The following HADHB variants were observed in gnomAD, a reference collection of about 807,000 sequenced individuals.
HADHB encodes the protein hydroxyacyl-CoA dehydrogenase trifunctional multienzyme complex subunit beta, also known as trifunctional enzyme subunit beta, mitochondrial.
Under a neutral mutation model 61.9 loss-of-function variants are expected in HADHB, and 50 were observed. The ratio of observed to expected loss-of-function variants is 0.81; its 90% confidence interval spans 0.64 to 1.02. HADHB has a LOEUF of 1.02. Ranked by LOEUF, HADHB falls within the 50% of genes least tolerant of loss-of-function variation. The pLI is 0.00. For missense variants in HADHB, 504 were observed against 586.5 expected, an observed-to-expected ratio of 0.86 and a Z score of 1.45; for synonymous variants, 191 against 201.6, an observed-to-expected ratio of 0.95 and a Z score of 0.45.
chr2:26,257,220 A>C (rs1014043216), intron 3 of HADHB, among the ~76,000 whole-genome samples: 4 of 149,924 alleles, frequency 2.7e-5, no homozygotes, highest in African/African-American at 9.9e-5. Flanking sequence ...TCCCAGGTTC[A>C]TGCCATTCTC....
intron 1 of HADHB, among the ~76,000 whole-genome samples, chr2:26,251,078 T>TA (rs1286607796): frequency 2.0e-5 from 3 of 149,044 alleles, no homozygotes; most frequent in African/African-American, 7.3e-5. Flanking sequence ...ACTAAATTCT[T>TA]ACATACATGG....
chr2:26,264,491 A>T (rs995049626), intron 4 of HADHB, among the ~76,000 whole-genome samples: 3 of 142,516 alleles, frequency 2.1e-5, no homozygotes, highest in Non-Finnish European at 4.5e-5. Context: ...TCAAGGCTGC[A>T]GTGAGCCGTG....
Position 26,290,413 on chromosome 2 carries a change from G to A in HADHB, c.*460G>A, listed in dbSNP as rs1464607905. 1 of 185,196 alleles carries A rather than the reference G, an allele frequency of 5.4e-6. No homozygotes were observed. The highest frequency in any genetic ancestry group is 1.1e-5 in the Non-Finnish European group (1 of 87,332). 11.5% of individuals were successfully genotyped at this position (185,196 alleles called of 1,614,324 possible). On this transcript the variant is annotated 3_prime_UTR_variant, in exon 16 of 16. Transcript: ENST00000317799. ...ACACCACTGAAAACTTATAAAAAAT[G>A]TTTAGATACATAAATATGGTGGTCA... is the stretch of plus-strand genomic sequence containing the variant.
chr2:26,277,623 G>C (rs925421649), intron 7 of HADHB, among the ~76,000 whole-genome samples: 13 of 152,104 alleles, frequency 8.5e-5, no homozygotes, highest in Admixed American at 1.3e-4. Flanking sequence ...AAAATTTGGG[G>C]GTTCTAACCG....
At position 26,290,127 on chromosome 2, in the gene HADHB, A is replaced by G. The variant is rs559313988; in HGVS notation, c.*174A>G. On this transcript the variant is annotated 3_prime_UTR_variant, in exon 16 of 16. Coordinates refer to ENST00000317799, the MANE Select transcript of HADHB (RefSeq NM_000183.3). The stretch of plus-strand genomic sequence containing the variant: ...CCTTGCCAGTGTTCTGAGCTTTTCA[A>G]TAATCAGTTTACTGCTCTTTCAGGG... 6.0e-6 allele frequency: 4 copies of G among 664,960 alleles called. No homozygotes were observed. Among genetic ancestry groups the G allele is most frequent in the East Asian group, 2.7e-5 (1 of 36,932 alleles). 41.2% of individuals were successfully genotyped at this position (664,960 alleles called of 1,614,324 possible).
chr2:26,251,620 G>GT (rs1326494552), intron 1 of HADHB, among the ~76,000 whole-genome samples: 1 of 152,144 alleles, frequency 6.6e-6, no homozygotes, highest in African/African-American at 2.4e-5. Context: ...TTGTGGCATT[G>GT]TAAGTAGCTT....
chr2:26,262,299 T>A (rs1422339260), intron 3 of HADHB, among the ~76,000 whole-genome samples: 1 of 152,138 alleles, frequency 6.6e-6, no homozygotes, highest in Non-Finnish European at 1.5e-5. Flanking sequence ...AAGAAAATAA[T>A]GAACTAGATT....
intron 4 of HADHB, among the ~76,000 whole-genome samples, chr2:26,269,607 A>G (rs1192250232): frequency 6.6e-6 from 1 of 152,204 alleles, no homozygotes; most frequent in Non-Finnish European, 1.5e-5. Context: ...ATAAATAAAT[A>G]ATATACTTTT....
chr2:26,261,115 A>T, intron 3 of HADHB: 1 of 890,624 alleles, frequency 1.1e-6, no homozygotes, highest in Non-Finnish European at 1.8e-6. Flanking sequence ...TGACTTAGGG[A>T]TGTGTCTATG....
At chr2:26,285,338 A>C in intron 14 of HADHB, 69 bp from the exon 15 acceptor site, 1 of 1,341,422 alleles carries the variant, frequency 7.5e-7, no homozygotes. Flanking sequence ...ACTTCGTAGT[A>C]CTAAGAGCCT....
intron 15 of HADHB, among the ~76,000 whole-genome samples, chr2:26,285,798 T>C (rs2147833587): frequency 7.4e-6 from 1 of 134,468 alleles, no homozygotes; most frequent in East Asian, 2.0e-4. Context: ...AATGCAGTGG[T>C]AATATCTTAG....
chr2:26,265,163 A>G (rs907489690), intron 4 of HADHB, among the ~76,000 whole-genome samples: 1 of 152,206 alleles, frequency 6.6e-6, no homozygotes, highest in African/African-American at 2.4e-5. Context: ...CAGGAAGAAG[A>G]TGATGTCCTC....
intron 15 of HADHB, among the ~76,000 whole-genome samples, chr2:26,289,476 C>T (rs937413302): frequency 6.7e-6 from 1 of 150,372 alleles, no homozygotes; most frequent in East Asian, 1.9e-4. Context: ...TAGAAACTTA[C>T]TTTTATTGGT....
intron 3 of HADHB, among the ~76,000 whole-genome samples, chr2:26,259,734 G>T (rs1312917539): frequency 6.6e-6 from 1 of 152,240 alleles, no homozygotes; most frequent in Admixed American, 6.5e-5. Context: ...GGAATGGCCA[G>T]TGTGCCCTAG....
At chr2:26,259,724 G>A (rs1401244602) in intron 3 of HADHB, among the ~76,000 whole-genome samples, 1 of 152,172 alleles carries the variant, frequency 6.6e-6, no homozygotes, top group African/African-American at 2.4e-5. Context: ...TAAATTATTT[G>A]GAATGGCCAG....
At chr2:26,281,344 A>G (rs940999110) in intron 10 of HADHB, among the ~76,000 whole-genome samples, 7 of 152,120 alleles carry the variant, frequency 4.6e-5, no homozygotes, top group Admixed American at 1.3e-4. Flanking sequence ...AAACATACGC[A>G]GATGTTTGAC....
chr2:26,273,803 A>G, intron 6 of HADHB, 53 bp downstream of exon 6: 3 of 888,830 alleles, frequency 3.4e-6, no homozygotes. Flanking sequence ...AATCACTTTG[A>G]ATTTCAATTA....
intron 1 of HADHB, among the ~76,000 whole-genome samples, chr2:26,246,278 A>G (rs1671153099): frequency 6.6e-6 from 1 of 151,856 alleles, no homozygotes; most frequent in Non-Finnish European, 1.5e-5. Flanking sequence ...GACAGTAAAT[A>G]GTTCAGGATT....
intron 5 of HADHB, among the ~76,000 whole-genome samples, chr2:26,271,623 A>G (rs1045372452): frequency 1.3e-5 from 2 of 152,026 alleles, no homozygotes; most frequent in Non-Finnish European, 2.9e-5. Flanking sequence ...CTGTATGCAT[A>G]TTTTCCTTTA....
Sources: allele counts gnomAD v4.1 joint callset (sites outside exome capture counted in the v4.1 genomes callset), GRCh38; gene constraint gnomAD v4.1.1; transcripts MANE v1.5; gene names NCBI Gene and HGNC (gene_info 2026-07-23, HGNC 2026-07-21).